The following LHFPL3 variants were observed in gnomAD, a reference collection of about 807,000 sequenced individuals.
LHFPL3 encodes the protein LHFPL tetraspan subfamily member 3 protein.
In LHFPL3, 5 loss-of-function variants were observed where a neutral mutation model predicts 19.3. That is an observed-to-expected ratio of 0.26 (90% CI 0.14 to 0.54). The LOEUF (loss-of-function observed/expected upper bound fraction) is 0.54. LHFPL3 is among the 20% of genes least tolerant of loss of function. LHFPL3 has a pLI of 0.94. For synonymous variants in LHFPL3, 133 were observed against 126.2 expected (o/e 1.05, Z -0.36); for missense variants, 249 against 307.4 (o/e 0.81, Z 1.42).
At chr7:104,631,118 C>A (rs1484737378) in intron 1 of LHFPL3, among the ~76,000 whole-genome samples, 1 of 152,076 alleles carries the variant, frequency 6.6e-6, no homozygotes, top group Admixed American at 6.6e-5. Flanking sequence ...GTTTTACTGA[C>A]AAAGCTTGAC....
At chr7:104,562,288 G>C (rs1790021474) in intron 1 of LHFPL3, among the ~76,000 whole-genome samples, 1 of 151,872 alleles carries the variant, frequency 6.6e-6, no homozygotes, top group Non-Finnish European at 1.5e-5. Flanking sequence ...TTTCCAACTT[G>C]GTTCCATTCT....
intron 1 of LHFPL3, among the ~76,000 whole-genome samples, chr7:104,569,086 A>G (rs970877029): frequency 5.3e-5 from 8 of 152,198 alleles, no homozygotes; most frequent in Non-Finnish European, 1.2e-4. Flanking sequence ...ACTCATCTTT[A>G]GTGTTCTAGC....
rs190665616 is a variant in LHFPL3 at position 104,448,476 on chromosome 7, G to C, written c.445+119252G>C. Among the ~76,000 whole-genome samples the C allele has an allele frequency of 1.8e-3, 277 of 152,286 alleles. 1 individual carries two copies. Among genetic ancestry groups the C allele is most frequent in the African/African-American group, 6.3e-3 (262 of 41,576 alleles). On this transcript the variant is annotated intron_variant, in intron 1 of 2. Transcript: ENST00000424859. ...GCTCCTTCAGAGCCATTACATTGCA[G>C]TTCATCAAGTAAATAGTGATTTAGC... is the stretch of plus-strand genomic sequence containing the variant.
chr7:104,660,078 T>G (rs1460835138), intron 1 of LHFPL3, among the ~76,000 whole-genome samples: 9 of 151,478 alleles, frequency 5.9e-5, no homozygotes, highest in African/African-American at 1.7e-4. Flanking sequence ...CTTGGCTCAC[T>G]GCAACCTCCG....
chr7:104,796,804 G>A (rs1171721828), intron 2 of LHFPL3: 2 of 152,628 alleles, frequency 1.3e-5, no homozygotes, highest in Admixed American at 1.3e-4. Context: ...TTTCATCAAG[G>A]ACCTAGGTTG....
intron 2 of LHFPL3, among the ~76,000 whole-genome samples, chr7:104,851,138 G>T (rs994036360): frequency 6.6e-6 from 1 of 152,248 alleles, no homozygotes; most frequent in Non-Finnish European, 1.5e-5. Context: ...CTTCAGATGG[G>T]ATTGTAATGT....
chr7:104,563,255 G>A (rs1790048604), intron 1 of LHFPL3, among the ~76,000 whole-genome samples: 1 of 152,266 alleles, frequency 6.6e-6, no homozygotes, highest in Non-Finnish European at 1.5e-5. Context: ...TCAAGCCTGG[G>A]CAATGGCGGG....
chr7:104,644,579 T>G (rs1320388991), intron 1 of LHFPL3, among the ~76,000 whole-genome samples: 1 of 152,058 alleles, frequency 6.6e-6, no homozygotes, highest in Non-Finnish European at 1.5e-5. Context: ...GCTGAGCACT[T>G]TATGATGTTT....
chr7:104,895,956 A>G (rs1792349617), intron 2 of LHFPL3: 1 of 152,246 alleles, frequency 6.6e-6, no homozygotes, highest in Non-Finnish European at 1.5e-5. Context: ...AAGGTGTGAC[A>G]GGTTCGATTT....
chr7:104,651,770 T>G (rs1329323220), intron 1 of LHFPL3, among the ~76,000 whole-genome samples: 3 of 152,192 alleles, frequency 2.0e-5, no homozygotes, highest in Non-Finnish European at 4.4e-5. Flanking sequence ...CATCAGAGCG[T>G]GTGCCCTGGA....
At chr7:104,718,557 A>G (rs1793433908) in intron 1 of LHFPL3, among the ~76,000 whole-genome samples, 1 of 152,190 alleles carries the variant, frequency 6.6e-6, no homozygotes, top group Non-Finnish European at 1.5e-5. Context: ...GCATCGTGGT[A>G]AGCCAGGGTG....
chr7:104,599,452 C>T (rs1355558913), intron 1 of LHFPL3, among the ~76,000 whole-genome samples: 1 of 152,140 alleles, frequency 6.6e-6, no homozygotes, highest in Non-Finnish European at 1.5e-5. Flanking sequence ...GTCAAATGGT[C>T]CTCGATTGGT....
intron 1 of LHFPL3, among the ~76,000 whole-genome samples, chr7:104,337,414 A>G (rs1208842322): frequency 2.0e-5 from 3 of 152,162 alleles, no homozygotes; most frequent in Admixed American, 1.3e-4. Context: ...AATATGTCAT[A>G]TGGTGCAGAG....
chr7:104,652,529 A>T (rs1176218414), intron 1 of LHFPL3, among the ~76,000 whole-genome samples: 1 of 152,222 alleles, frequency 6.6e-6, no homozygotes, highest in African/African-American at 2.4e-5. Context: ...CCAAACATGT[A>T]TCTGTTTGAG....
At chr7:104,595,177 A>T (rs10279814) in intron 1 of LHFPL3, among the ~76,000 whole-genome samples, 1 of 152,196 alleles carries the variant, frequency 6.6e-6, no homozygotes, top group Admixed American at 6.5e-5. Context: ...CTTTGTGGTT[A>T]TATCTACCTT....
At chr7:104,334,470 C>A (rs987620406) in intron 1 of LHFPL3, among the ~76,000 whole-genome samples, 1 of 152,196 alleles carries the variant, frequency 6.6e-6, no homozygotes, top group Non-Finnish European at 1.5e-5. Flanking sequence ...TCACTTGAAC[C>A]CGCAAGGCGG....
At chr7:104,622,398 C>CCA (rs1292182410) in intron 1 of LHFPL3, among the ~76,000 whole-genome samples, 1 of 152,184 alleles carries the variant, frequency 6.6e-6, no homozygotes, top group African/African-American at 2.4e-5. Flanking sequence ...CAGATGTGAG[C>CCA]CACTGCTCCC....
chr7:104,705,422 T>C (rs577295075), intron 1 of LHFPL3, among the ~76,000 whole-genome samples: 19 of 152,316 alleles, frequency 1.2e-4, no homozygotes, highest in Non-Finnish European at 2.6e-4. Context: ...TTTGAGGTTT[T>C]GTAAACTGAA....
chr7:104,369,108 A>G (rs1484795968), intron 1 of LHFPL3, among the ~76,000 whole-genome samples: 1 of 152,140 alleles, frequency 6.6e-6, no homozygotes, highest in Non-Finnish European at 1.5e-5. Context: ...TGTACAATTC[A>G]ATGAGTTTTA....
Sources: allele counts gnomAD v4.1 joint callset (sites outside exome capture counted in the v4.1 genomes callset), GRCh38; gene constraint gnomAD v4.1.1; transcripts MANE v1.5; gene names NCBI Gene and HGNC (gene_info 2026-07-23, HGNC 2026-07-21).